KCNT1: variants seen among roughly 807,000 people sequenced by gnomAD.
KCNT1 encodes the protein potassium channel subfamily T member 1.
KCNT1 carries 78 observed loss-of-function variants against 147.8 expected under a neutral mutation model. That is an observed-to-expected ratio of 0.53 (90% CI 0.44 to 0.64). The LOEUF is 0.64. Among genes scored for constraint, KCNT1 ranks in the 30% least tolerant of loss-of-function variants. The pLI, the probability that KCNT1 is intolerant of heterozygous loss-of-function variation, is 0.00. For missense variants in KCNT1, 1,419 were observed against 1,750.3 expected, an observed-to-expected ratio of 0.81 and a Z score of 3.38; for synonymous variants, 867 against 748.8, an observed-to-expected ratio of 1.16 and a Z score of -2.58.
intron 13 of KCNT1, 48 bp from the exon 14 acceptor site, chr9:135,768,562 T>C: frequency 6.7e-7 from 1 of 1,502,378 alleles, no homozygotes; most frequent in Non-Finnish European, 9.0e-7. Context: ...CCGGCTGCAC[T>C]GCCCACCTCC....
At chr9:135,738,508 G>A (rs546549784) in intron 2 of KCNT1, among the ~76,000 whole-genome samples, 1 of 152,288 alleles carries the variant, frequency 6.6e-6, no homozygotes, top group Admixed American at 6.5e-5. Context: ...CAGGGAGCTG[G>A]GGGTCGCAGT....
Position 135,765,694 on chromosome 9 carries a change from T to A in KCNT1, c.1271T>A (p.Leu424Gln). Residue 424 changes from leucine to glutamine, a missense_variant, in exon 13 of 31, where the codon CTG (leucine) becomes CAG (glutamine). Physicochemically the swap from Leu to Gln is moderately radical, Grantham distance 113 (BLOSUM62 -2). Around this residue, in one of 5 missense-constraint regions of KCNT1, gnomAD observed 401 missense variants for 610.6 expected, o/e 0.66. Coordinates refer to ENST00000371757, the MANE Select transcript of KCNT1 (RefSeq NM_020822.3). Reference sequence around the variant, plus strand: ...GTGCGCAGAGTCCTGCAGATCCCTCTGTGGTCCCAGCGGGTCATCTACCTC... The same window carrying A: ...GTGCGCAGAGTCCTGCAGATCCCTCAGTGGTCCCAGCGGGTCATCTACCTC... ...VQVRRVLQIPLWSQRVIYLQG... is the reference protein window; with the variant it reads ...VQVRRVLQIPQWSQRVIYLQG... The A allele has an allele frequency of 1.2e-6, 2 of 1,610,920 alleles. No individual in the cohort carries two copies. Among genetic ancestry groups the A allele is most frequent in the Non-Finnish European group, 1.7e-6 (2 of 1,178,998 alleles).
chr9:135,761,174 C>G (rs1831890166), intron 11 of KCNT1, among the ~76,000 whole-genome samples: 1 of 152,162 alleles, frequency 6.6e-6, no homozygotes, highest in African/African-American at 2.4e-5. Flanking sequence ...ACCAATCTTT[C>G]CCTTATGGTT....
rs987859052 is a variant in KCNT1 at position 135,750,874 on chromosome 9, G to A, written c.335-68G>A. 28 of 1,447,316 alleles carry A rather than the reference G, an allele frequency of 1.9e-5. No homozygotes were observed. The African/African-American group carries it at 2.2e-4, about 12-fold the overall frequency. 89.7% of individuals were successfully genotyped at this position (1,447,316 alleles called of 1,614,324 possible). A position where few individuals can be genotyped will look rare whatever the true frequency, so the allele number is the denominator to read the frequency against. On this transcript the variant is annotated intron_variant, in intron 3 of 30. Coordinates refer to ENST00000371757, the MANE Select transcript of KCNT1 (RefSeq NM_020822.3). ...CCATCCAGAGAGCCCAGCCAGACCC[G>A]GGTGCAGGCCCTGCTCCCCGAAGCC...
At chr9:135,777,136 G>A (rs1833226212) in intron 20 of KCNT1, among the ~76,000 whole-genome samples, 1 of 152,208 alleles carries the variant, frequency 6.6e-6, no homozygotes, top group African/African-American at 2.4e-5. Context: ...TGACTGCTCT[G>A]TGCCGCCTGT....
intron 1 of KCNT1, among the ~76,000 whole-genome samples, chr9:135,710,337 G>T (rs1031832662): frequency 1.3e-5 from 2 of 152,178 alleles, no homozygotes; most frequent in Non-Finnish European, 2.9e-5. Context: ...GCCAGGTACT[G>T]GGTTCAAGCA....
rs571757257 is a variant in KCNT1, at chr9:135,770,925, G to A, written c.1838G>A (p.Arg613Gln). The change falls in exon 18 of 31, where the codon CGG becomes CAG. Residue 613 changes from arginine (R) to glutamine (Q), a missense_variant. Arg to Gln is a conservative substitution (Grantham distance 43). Around this residue, in one of 5 missense-constraint regions of KCNT1, gnomAD observed 284 missense variants for 292.8 expected, o/e 0.97. Coordinates refer to ENST00000371757, the MANE Select transcript of KCNT1 (RefSeq NM_020822.3). ...NKSILLNPGP[R>Q]HILAASDTCF... The stretch of plus-strand genomic sequence containing the variant: ...AGCATCCTGCTGAACCCGGGGCCCC[G>A]GCACATCCTGGCCGCCTCTGACACC... 2.6e-5 allele frequency: 42 copies of A among 1,612,090 alleles called. No homozygotes were observed. The highest frequency in any genetic ancestry group is 3.0e-5 in the Non-Finnish European group (35 of 1,179,156).
intron 2 of KCNT1, among the ~76,000 whole-genome samples, chr9:135,746,616 G>A (rs1830846142): frequency 6.6e-6 from 1 of 152,218 alleles, no homozygotes; most frequent in South Asian, 2.1e-4. Context: ...CAGCTGCAGA[G>A]GCCCAAGGCC....
At chr9:135,758,799 C>G (rs1468323589) in intron 10 of KCNT1, among the ~76,000 whole-genome samples, 4 of 152,226 alleles carry the variant, frequency 2.6e-5, no homozygotes, top group Non-Finnish European at 5.9e-5. Context: ...GGACTGGCCC[C>G]TAGGCCAGGT....
At chr9:135,778,645 G>C in intron 22 of KCNT1, 43 bp from the exon 23 acceptor site, 1 of 1,611,324 alleles carries the variant, frequency 6.2e-7, no homozygotes. Context: ...TGGGTGGGGA[G>C]TGGGCCGCAT....
At chr9:135,767,053 C>T (rs1341725742) in intron 13 of KCNT1, among the ~76,000 whole-genome samples, 1 of 152,128 alleles carries the variant, frequency 6.6e-6, no homozygotes, top group Non-Finnish European at 1.5e-5. Context: ...TGGGACACTC[C>T]CTGGAAAACC....
At position 135,777,399 on chromosome 9, in the gene KCNT1, TC is replaced by T. The variant is rs1833242712; in HGVS notation, c.2412del (p.Ile804MetfsTer28). Reference sequence around the variant, plus strand: ...TACGGGTTCAAGAACAAGCTGATCATCGTCTCGGCAGAGACGGCCGGCAATG... The same window carrying T: ...TACGGGTTCAAGAACAAGCTGATCATGTCTCGGCAGAGACGGCCGGCAATG... Reference protein sequence around the residue: ...KAYGFKNKLIIVSAETAGNGL... With the variant: ...KAYGFKNKLIXVSAETAGNGL... On this transcript the variant is annotated frameshift_variant, in exon 21 of 31. Coordinates refer to ENST00000371757, the MANE Select transcript of KCNT1 (RefSeq NM_020822.3). LOFTEE classifies it high-confidence loss of function. The T allele has an allele frequency of 1.2e-6, 2 of 1,613,952 alleles. No homozygotes were observed. Among genetic ancestry groups the T allele is most frequent in the Non-Finnish European group, 1.7e-6 (2 of 1,179,966 alleles).
chr9:135,777,958 C>T (rs561916124), intron 21 of KCNT1, among the ~76,000 whole-genome samples: 3 of 151,804 alleles, frequency 2.0e-5, no homozygotes, highest in South Asian at 2.1e-4. Flanking sequence ...CTCCCCACTC[C>T]CAGTTCCTCT....
At chr9:135,723,656 AG>A (rs1836014936) in intron 2 of KCNT1, among the ~76,000 whole-genome samples, 1 of 152,128 alleles carries the variant, frequency 6.6e-6, no homozygotes, top group African/African-American at 2.4e-5. Context: ...GTCAGTAGGA[AG>A]GGGGCCCTGG....
chr9:135,759,139 G>A (rs1384719802), intron 10 of KCNT1, among the ~76,000 whole-genome samples: 1 of 152,224 alleles, frequency 6.6e-6, no homozygotes, highest in East Asian at 1.9e-4. Flanking sequence ...GGGCATCCAT[G>A]AGGATAGCAT....
rs546897159 is a variant in KCNT1, at chr9:135,785,591, GC to G, written c.3177+266del. ...GAGTTTGGACACCAGGTGCACCCCC[GC>G]CCCCTCCCAGGCCCCACCAAGGCAG... On this transcript the variant is annotated intron_variant, in intron 28 of 30. Coordinates refer to ENST00000371757, the MANE Select transcript of KCNT1 (RefSeq NM_020822.3). 256 of 607,412 alleles carry G rather than the reference GC, an allele frequency of 4.2e-4. 4 individuals are homozygous for G. In the South Asian group the frequency reaches 4.6e-3, roughly 11 times the overall value. The allele number at this position is 607,412 out of a possible 1,614,324, so 37.6% of individuals were successfully genotyped here.
intron 19 of KCNT1, among the ~76,000 whole-genome samples, chr9:135,773,181 G>A (rs1832881083): frequency 6.6e-6 from 1 of 152,220 alleles, no homozygotes. Flanking sequence ...GAGATGGGGT[G>A]TGCTGGGCTA....
rs1347000973 is a variant in KCNT1 at position 135,765,994 on chromosome 9, A to T, written c.1337+234A>T. On this transcript the variant is annotated intron_variant, in intron 13 of 30. Coordinates refer to ENST00000371757, the MANE Select transcript of KCNT1 (RefSeq NM_020822.3). ...ATTCAGGGTGGACCTTCTGGGATGG[A>T]CCATTTAGGTGGACCATACAGGGTG... Among the ~76,000 whole-genome samples, 3 of 151,228 alleles carry T rather than the reference A, an allele frequency of 2.0e-5. No homozygotes were observed. In the East Asian group the frequency reaches 5.9e-4, roughly 30 times the overall value.
rs140289994 is a variant in KCNT1, at chr9:135,708,496, G to T, written c.111-6081G>T. Among the ~76,000 whole-genome samples, 372 of 152,334 alleles carry T rather than the reference G, an allele frequency of 2.4e-3. 2 individuals are homozygous for T. The highest frequency in any genetic ancestry group is 8.3e-3 in the African/African-American group (347 of 41,576). On this transcript the variant is annotated intron_variant, in intron 1 of 30. Coordinates refer to ENST00000371757, the MANE Select transcript of KCNT1 (RefSeq NM_020822.3). ...GAAATTTTGAACTGAGTGTGAACAA[G>T]AATGTATTTTAGGAGAGAAACCTCA...
Sources: allele counts gnomAD v4.1 joint callset (sites outside exome capture counted in the v4.1 genomes callset), GRCh38; gene constraint gnomAD v4.1.1; regional missense constraint gnomAD v4.1.1; transcripts MANE v1.5; gene names NCBI Gene and HGNC (gene_info 2026-07-23, HGNC 2026-07-21).